Variants in PLXNA4 observed in about 807,000 individuals in gnomAD.
PLXNA4 encodes plexin-A4.
In PLXNA4, 44 loss-of-function variants were observed where a neutral mutation model predicts 191.8. The observed-to-expected ratio is 0.23, with a 90% CI of 0.18 to 0.29. PLXNA4 has a LOEUF of 0.29. Among genes scored for constraint, PLXNA4 ranks in the 10% least tolerant of loss-of-function variants. The pLI is 1.00. For missense variants in PLXNA4, 1,800 were observed against 2,488.8 expected (o/e 0.72, Z 5.89); for synonymous variants, 1,082 against 1,009.5 (o/e 1.07, Z -1.36).
intron 24 of PLXNA4, among the ~76,000 whole-genome samples, chr7:132,163,778 C>G (rs6945535): frequency 0.14 from 20,665 of 152,256 alleles, 1,712 homozygotes; most frequent in Admixed American, 0.19. Flanking sequence ...CTCTGTCCCC[C>G]ACTCTCTGCC....
At chr7:132,423,571 A>G (rs1214555340) in intron 3 of PLXNA4, among the ~76,000 whole-genome samples, 1 of 152,212 alleles carries the variant, frequency 6.6e-6, no homozygotes, top group Non-Finnish European at 1.5e-5. Flanking sequence ...AGAGATGGTC[A>G]TGAAGCCAAA....
At chr7:132,635,464 A>T (rs1803583462) in intron 2 of PLXNA4, among the ~76,000 whole-genome samples, 1 of 152,134 alleles carries the variant, frequency 6.6e-6, no homozygotes, top group Non-Finnish European at 1.5e-5. Flanking sequence ...GGCATGAAAC[A>T]TTCTAAGACA....
chr7:132,512,257 C>T (rs968181989), intron 1 of PLXNA4, among the ~76,000 whole-genome samples: 24 of 152,332 alleles, frequency 1.6e-4, no homozygotes, highest in African/African-American at 5.8e-4. Flanking sequence ...GAATGTGTGC[C>T]TACCCCACGA....
chr7:132,313,996 A>C (rs1410051457), intron 3 of PLXNA4, among the ~76,000 whole-genome samples: 1 of 152,158 alleles, frequency 6.6e-6, no homozygotes, highest in African/African-American at 2.4e-5. Flanking sequence ...TAAGTTGAGG[A>C]ATAGAATGTT....
chr7:132,596,934 AAGTTTATATTTT>A (rs1161057455), intron 2 of PLXNA4, among the ~76,000 whole-genome samples: 3 of 151,890 alleles, frequency 2.0e-5, no homozygotes, highest in Non-Finnish European at 4.4e-5. Flanking sequence ...AGCAGAATAA[AAGTTTATATTTT>A]ATTACTAATT....
At chr7:132,313,736 C>T (rs182811345) in intron 3 of PLXNA4, among the ~76,000 whole-genome samples, 6 of 152,000 alleles carry the variant, frequency 3.9e-5, no homozygotes, top group African/African-American at 1.2e-4. Flanking sequence ...AAAGTCATTG[C>T]TTAGGACAAT....
chr7:132,470,606 C>T (rs1307383790), intron 3 of PLXNA4, among the ~76,000 whole-genome samples: 2 of 152,110 alleles, frequency 1.3e-5, no homozygotes, highest in East Asian at 3.9e-4. Flanking sequence ...AGTTAAGAAC[C>T]TTGAAAAAGA....
chr7:132,630,000 C>A (rs867614473), intron 2 of PLXNA4, among the ~76,000 whole-genome samples: 32 of 152,160 alleles, frequency 2.1e-4, no homozygotes, highest in African/African-American at 7.7e-4. Context: ...CAGGTGCCCA[C>A]CACCACGCCT....
chr7:132,383,996 C>T (rs1805008856), intron 3 of PLXNA4: 1 of 985,334 alleles, frequency 1.0e-6, no homozygotes, highest in Non-Finnish European at 1.2e-6. Flanking sequence ...TGCAGGTGCA[C>T]ATGGCCTGTT....
At chr7:132,413,501 C>G (rs1563085028) in intron 3 of PLXNA4, among the ~76,000 whole-genome samples, 1 of 152,180 alleles carries the variant, frequency 6.6e-6, no homozygotes, top group Non-Finnish European at 1.5e-5. Flanking sequence ...AAAGAGGCAC[C>G]CTCTGCCACT....
intron 3 of PLXNA4, among the ~76,000 whole-genome samples, chr7:132,369,666 C>T (rs1246892350): frequency 6.6e-6 from 1 of 152,122 alleles, no homozygotes; most frequent in East Asian, 1.9e-4. Flanking sequence ...GAAACCATCA[C>T]TATGAACAAA....
intron 3 of PLXNA4, among the ~76,000 whole-genome samples, chr7:132,421,899 T>G (rs1176125671): frequency 1.3e-5 from 2 of 152,138 alleles, no homozygotes; most frequent in African/African-American, 4.8e-5. Context: ...CATCACTGCT[T>G]CGCTGCAACC....
chr7:132,492,924 A>G (rs1472814789), intron 2 of PLXNA4, among the ~76,000 whole-genome samples: 1 of 152,226 alleles, frequency 6.6e-6, no homozygotes, highest in African/African-American at 2.4e-5. Flanking sequence ...TGGCCCTAGC[A>G]TGCCTCTTGA....
intron 2 of PLXNA4, among the ~76,000 whole-genome samples, chr7:132,634,563 C>T (rs1173708872): frequency 6.6e-6 from 1 of 152,184 alleles, no homozygotes; most frequent in Admixed American, 6.5e-5. Context: ...ACTCCAGAAA[C>T]ATAGAACTTC....
At chr7:132,408,985 G>A (rs1433977500) in intron 3 of PLXNA4, among the ~76,000 whole-genome samples, 1 of 151,852 alleles carries the variant, frequency 6.6e-6, no homozygotes, top group Non-Finnish European at 1.5e-5. Context: ...GACTGAGAAT[G>A]GGATCTCAAA....
intron 3 of PLXNA4, among the ~76,000 whole-genome samples, chr7:132,414,949 C>A (rs1176007438): frequency 6.6e-6 from 1 of 152,198 alleles, no homozygotes; most frequent in Non-Finnish European, 1.5e-5. Flanking sequence ...CCAAATCAAT[C>A]CATTGGAATC....
intron 28 of PLXNA4, among the ~76,000 whole-genome samples, chr7:132,145,747 G>T (rs763515947): frequency 1.1e-4 from 17 of 151,876 alleles, no homozygotes; most frequent in Non-Finnish European, 2.1e-4. Flanking sequence ...AGCACTGCAG[G>T]CAAGCAACGT....
At chr7:132,242,731 ATCTTT>A (rs1351231352) in intron 4 of PLXNA4, among the ~76,000 whole-genome samples, 24 of 152,080 alleles carry the variant, frequency 1.6e-4, no homozygotes, top group East Asian at 1.4e-3. Flanking sequence ...TTGGAATTTT[ATCTTT>A]TCTTTTATTA....
At chr7:132,328,475 C>T (rs183942742) in intron 3 of PLXNA4, among the ~76,000 whole-genome samples, 25 of 152,286 alleles carry the variant, frequency 1.6e-4, no homozygotes, top group Admixed American at 1.4e-3. Flanking sequence ...GCGGGGGGGC[C>T]TCCTGCCCCT....
Sources: gnomAD v4.1 joint callset for allele counts (sites outside exome capture counted in the v4.1 genomes callset) on GRCh38, gnomAD v4.1.1 for gene constraint, MANE v1.5 for transcripts, NCBI Gene and HGNC (gene_info 2026-07-23, HGNC 2026-07-21) for gene names.